CNTN4: variants seen among roughly 807,000 people sequenced by gnomAD.
CNTN4 encodes the protein contactin 4.
In CNTN4, 77 loss-of-function variants were observed where a neutral mutation model predicts 122.5. The observed-to-expected ratio is 0.63, with a 90% CI of 0.52 to 0.76. The LOEUF (loss-of-function observed/expected upper bound fraction) is 0.76, where lower values mean the gene tolerates loss of function less well. Among genes scored for constraint, CNTN4 ranks in the 30% least tolerant of loss-of-function variants. The pLI is 0.00. For missense variants in CNTN4, 1,256 were observed against 1,259.1 expected, an observed-to-expected ratio of 1.00 and a Z score of 0.04; for synonymous variants, 512 against 447.0, an observed-to-expected ratio of 1.15 and a Z score of -1.83.
In CNTN4 at chr3:2,745,528, G is replaced by T. The variant is rs2089704322; in HGVS notation, c.189G>T (p.Lys63Asn). The T allele has an allele frequency of 6.2e-7, 1 of 1,613,706 alleles. No homozygotes were observed. The highest frequency in any genetic ancestry group is 1.3e-5 in the African/African-American group (1 of 74,914). ...KGNPKPHIRW[K>N]LNGTDVDTGM... The stretch of plus-strand genomic sequence containing the variant: ...TGGCATTTTTATACTATAGGTGGAA[G>T]TTAAATGGAACAGATGTTGACACTG... The change falls in exon 6 of 25, where the codon AAG (lysine) becomes AAT (asparagine). Residue 63 changes from lysine to asparagine, a missense_variant. Physicochemically the swap from Lys to Asn is moderately conservative, Grantham distance 94. Coordinates refer to ENST00000418658, the MANE Select transcript of CNTN4 (RefSeq NM_175607.3).
At chr3:2,486,671 A>C (rs1329675474) in intron 3 of CNTN4, among the ~76,000 whole-genome samples, 2 of 152,170 alleles carry the variant, frequency 1.3e-5, no homozygotes, top group Non-Finnish European at 2.9e-5. Context: ...TTTTGTCAGA[A>C]TACCAGCTTG....
intron 6 of CNTN4, among the ~76,000 whole-genome samples, chr3:2,750,406 A>G (rs888193542): frequency 6.6e-6 from 1 of 152,218 alleles, no homozygotes; most frequent in Non-Finnish European, 1.5e-5. Flanking sequence ...TTGTATTAGC[A>G]TTTAGCATTT....
intron 2 of CNTN4, among the ~76,000 whole-genome samples, chr3:2,164,212 GAAA>G (rs2036091544): frequency 6.6e-6 from 1 of 151,600 alleles, no homozygotes; most frequent in African/African-American, 2.4e-5. Context: ...AAACAAAGAA[GAAA>G]GAGAGATTGC....
intron 4 of CNTN4, among the ~76,000 whole-genome samples, chr3:2,634,987 G>C (rs988663128): frequency 6.6e-6 from 1 of 152,174 alleles, no homozygotes; most frequent in South Asian, 2.1e-4. Flanking sequence ...GTGCCACTCA[G>C]TTATTGAAGG....
At chr3:2,157,178 ATAAAT>A (rs1471990571) in intron 2 of CNTN4, among the ~76,000 whole-genome samples, 8 of 152,366 alleles carry the variant, frequency 5.3e-5, no homozygotes, top group South Asian at 2.1e-4. Context: ...TAAAAGTAAA[ATAAAT>A]TAAATAAGCA....
Position 2,226,275 on chromosome 3 carries a change from A to C in CNTN4, c.-144-112903A>C, listed in dbSNP as rs142532926. On this transcript the variant is annotated intron_variant, in intron 2 of 24. Transcript: ENST00000418658. ...TTGGACTTGCCTCGTCTACATTTTG[A>C]CACTCCCTATCGTAGTTAGCAAAGT... Among the ~76,000 whole-genome samples the C allele has an allele frequency of 3.0e-3, 452 of 152,204 alleles. 3 individuals are homozygous for C. The highest frequency in any genetic ancestry group is 0.01 in the African/African-American group (434 of 41,534).
chr3:2,798,224 T>A (rs1274059730), intron 6 of CNTN4, among the ~76,000 whole-genome samples: 1 of 151,816 alleles, frequency 6.6e-6, no homozygotes, highest in Non-Finnish European at 1.5e-5. Flanking sequence ...GTTCCATCGA[T>A]GTTGCTACAA....
chr3:2,468,480 A>G (rs1431553894), intron 3 of CNTN4, among the ~76,000 whole-genome samples: 1 of 152,204 alleles, frequency 6.6e-6, no homozygotes, highest in Non-Finnish European at 1.5e-5. Flanking sequence ...TAAGGGTATC[A>G]TATATTATTA....
chr3:2,564,404 A>G (rs946581777), intron 3 of CNTN4, among the ~76,000 whole-genome samples: 8 of 152,180 alleles, frequency 5.3e-5, no homozygotes, highest in African/African-American at 1.7e-4. Context: ...ATCTAAAACA[A>G]TTTTAATGGA....
chr3:2,713,363 T>G (rs935709429), intron 4 of CNTN4, among the ~76,000 whole-genome samples: 20 of 152,336 alleles, frequency 1.3e-4, no homozygotes, highest in African/African-American at 4.8e-4. Context: ...TTCAGTTTTT[T>G]CTAAACACAA....
At chr3:2,636,351 T>G (rs1472854774) in intron 4 of CNTN4, among the ~76,000 whole-genome samples, 3 of 152,218 alleles carry the variant, frequency 2.0e-5, no homozygotes, top group African/African-American at 7.2e-5. Flanking sequence ...ACACTAATTA[T>G]GCTTATGTAA....
At chr3:2,184,282 A>T (rs934074274) in intron 2 of CNTN4, among the ~76,000 whole-genome samples, 5 of 152,146 alleles carry the variant, frequency 3.3e-5, no homozygotes, top group Non-Finnish European at 7.4e-5. Context: ...CCACCACACC[A>T]GCCTGAAATT....
At chr3:2,372,454 ACTGT>A (rs1432953469) in intron 3 of CNTN4, among the ~76,000 whole-genome samples, 1 of 152,216 alleles carries the variant, frequency 6.6e-6, no homozygotes, top group African/African-American at 2.4e-5. Context: ...CTACAAGCTG[ACTGT>A]CTATGTCCAT....
At chr3:2,275,930 A>C (rs958984855) in intron 2 of CNTN4, among the ~76,000 whole-genome samples, 8 of 94,496 alleles carry the variant, frequency 8.5e-5, no homozygotes, top group South Asian at 4.4e-4. Flanking sequence ...AAAAAAAAAA[A>C]AAAAAAACAA....
At chr3:3,019,510 G>T (rs1176904115) in intron 14 of CNTN4, among the ~76,000 whole-genome samples, 1 of 151,718 alleles carries the variant, frequency 6.6e-6, no homozygotes, top group African/African-American at 2.4e-5. Flanking sequence ...GGCCAGGCTG[G>T]TCTGGAACTC....
chr3:2,598,040 G>A (rs949007538), intron 4 of CNTN4, among the ~76,000 whole-genome samples: 3 of 152,058 alleles, frequency 2.0e-5, no homozygotes, highest in African/African-American at 7.2e-5. Context: ...ATTGATTTTT[G>A]TAATTCTTTT....
At position 3,043,715 on chromosome 3, in the gene CNTN4, T is replaced by G. The variant is rs200299200; in HGVS notation, c.2811+11T>G. The G allele has an allele frequency of 5.2e-5, 82 of 1,584,112 alleles. No homozygotes were observed. In the East Asian group the frequency reaches 1.1e-3, roughly 21 times the overall value. ...GTAAAAGGATACAAAGTAGGTAATT[T>G]CTTTTTTGCAAAGGCACCTAATCGT... On this transcript the variant is annotated intron_variant, in intron 23 of 24. Coordinates refer to ENST00000418658, the MANE Select transcript of CNTN4 (RefSeq NM_175607.3).
intron 6 of CNTN4, among the ~76,000 whole-genome samples, chr3:2,755,525 T>C (rs1393206833): frequency 6.6e-6 from 1 of 152,196 alleles, no homozygotes; most frequent in African/African-American, 2.4e-5. Flanking sequence ...CCACTGAGTA[T>C]AGTACTAGAC....
chr3:2,460,192 C>T lies in CNTN4; in HGVS notation c.-88-111224C>T, dbSNP rs544705102. On this transcript the variant is annotated intron_variant, in intron 3 of 24. Transcript: ENST00000418658. ...ATTTCTTATCCTATGTATAGTTTAT[C>T]ACCACGGTTGCTCGGCATGCTCTTT... is the stretch of plus-strand genomic sequence containing the variant. 4.6e-5 allele frequency among the ~76,000 whole-genome samples: 7 copies of T among 152,220 alleles called. No individual in the cohort carries two copies. The South Asian group carries it at 1.2e-3, about 27-fold the overall frequency.
Sources: gnomAD v4.1 joint callset for allele counts (sites outside exome capture counted in the v4.1 genomes callset) on GRCh38, gnomAD v4.1.1 for gene constraint, MANE v1.5 for transcripts, NCBI Gene and HGNC (gene_info 2026-07-23, HGNC 2026-07-21) for gene names.